Variants in ADAMTSL1 observed in about 807,000 individuals in gnomAD.
ADAMTSL1 encodes the protein ADAMTS like 1, also known as ADAMTS-like protein 1.
Under a neutral mutation model 201.8 loss-of-function variants are expected in ADAMTSL1, and 126 were observed. That is an observed-to-expected ratio of 0.62 (90% CI 0.54 to 0.72). The LOEUF is 0.72. Among genes scored for constraint, ADAMTSL1 ranks in the 30% least tolerant of loss-of-function variants. The pLI, the probability that ADAMTSL1 is intolerant of heterozygous loss-of-function variation, is 0.00. For missense variants in ADAMTSL1, 2,679 were observed against 2,277.8 expected (o/e 1.18, Z -3.59); for synonymous variants, 1,121 against 903.4 (o/e 1.24, Z -4.32).
rs540491876 is a variant in ADAMTSL1, at chr9:18,287,479, A to G, written c.207+123498A>G. On this transcript the variant is annotated intron_variant, in intron 2 of 29. Coordinates refer to the ADAMTSL1 transcript ENST00000680146. ...TACACATATATGTAAATGTATGTTC[A>G]GATATGTAATGCATGTATTTATATG... 3.3e-5 allele frequency among the ~76,000 whole-genome samples: 5 copies of G among 151,776 alleles called. No individual in the cohort carries two copies. The East Asian group carries it at 9.7e-4, about 29-fold the overall frequency.
chr9:18,100,235 C>G (rs1382146071), intron 1 of ADAMTSL1, among the ~76,000 whole-genome samples: 1 of 151,974 alleles, frequency 6.6e-6, no homozygotes, highest in Non-Finnish European at 1.5e-5. Flanking sequence ...TGGGAGTTGA[C>G]CGTATTATTT....
At chr9:18,583,629 T>C (rs998312409) in intron 4 of ADAMTSL1, among the ~76,000 whole-genome samples, 1 of 152,142 alleles carries the variant, frequency 6.6e-6, no homozygotes, top group Non-Finnish European at 1.5e-5. Context: ...TTGCACTGTG[T>C]GCCTGGATAA....
intron 1 of ADAMTSL1, among the ~76,000 whole-genome samples, chr9:17,948,071 A>G (rs914684037): frequency 5.3e-5 from 8 of 152,172 alleles, no homozygotes; most frequent in African/African-American, 1.7e-4. Context: ...CATGCTCATC[A>G]TCAATTTTCT....
chr9:17,939,314 C>T lies in ADAMTSL1; in HGVS notation c.87+32392C>T, dbSNP rs577111223. Among the ~76,000 whole-genome samples, 8 of 149,828 alleles carry T rather than the reference C, an allele frequency of 5.3e-5. No individual in the cohort carries two copies. The South Asian group carries it at 1.1e-3, about 20-fold the overall frequency. ...TTAGAAACTTTTTTTTTTTTTAACT[C>T]TCACAACCACCATCTAGTGTCCAGT... is the stretch of plus-strand genomic sequence containing the variant. On this transcript the variant is annotated intron_variant, in intron 1 of 29. Transcript: ENST00000680146.
chr9:18,123,749 C>G (rs1445613557), intron 1 of ADAMTSL1, among the ~76,000 whole-genome samples: 1 of 152,174 alleles, frequency 6.6e-6, no homozygotes, highest in Non-Finnish European at 1.5e-5. Flanking sequence ...GTCCCTGTAG[C>G]CATTAGCAGA....
intron 2 of ADAMTSL1, among the ~76,000 whole-genome samples, chr9:18,428,119 G>A (rs1220320371): frequency 6.6e-6 from 1 of 152,054 alleles, no homozygotes; most frequent in African/African-American, 2.4e-5. Flanking sequence ...AAGCAATTTT[G>A]GATCATTATA....
At chr9:18,051,061 G>A (rs1253309058) in intron 1 of ADAMTSL1, among the ~76,000 whole-genome samples, 1 of 152,172 alleles carries the variant, frequency 6.6e-6, no homozygotes, top group Admixed American at 6.5e-5. Flanking sequence ...CAGCACTTTG[G>A]GAGGCCAAGG....
chr9:18,089,920 G>T (rs1823934604), intron 1 of ADAMTSL1, among the ~76,000 whole-genome samples: 2 of 151,182 alleles, frequency 1.3e-5, no homozygotes, highest in Admixed American at 6.6e-5. Context: ...TAGAGCTCAG[G>T]TTAGGCTTTT....
intron 26 of ADAMTSL1, among the ~76,000 whole-genome samples, chr9:18,899,635 A>C (rs1454695429): frequency 4.6e-5 from 7 of 152,188 alleles, no homozygotes; most frequent in African/African-American, 1.7e-4. Flanking sequence ...AAATAAGATC[A>C]CATACCTACA....
intron 2 of ADAMTSL1, among the ~76,000 whole-genome samples, chr9:18,369,733 T>C (rs1374714804): frequency 6.6e-6 from 1 of 151,966 alleles, no homozygotes. Flanking sequence ...AATAGCAGAG[T>C]CATGGAATCA....
chr9:18,255,409 G>C (rs1001883202), intron 2 of ADAMTSL1, among the ~76,000 whole-genome samples: 1 of 152,088 alleles, frequency 6.6e-6, no homozygotes. Context: ...CTCTCAGCAG[G>C]TTTCACATGT....
At position 18,796,069 on chromosome 9, in the gene ADAMTSL1, A is replaced by G. The variant is rs1822400536; in HGVS notation, c.3805+545A>G. Among the ~76,000 whole-genome samples the G allele has an allele frequency of 2.6e-5, 4 of 152,200 alleles. No homozygotes were observed. The South Asian group carries it at 6.2e-4, about 24-fold the overall frequency. Reference sequence around the variant, plus strand: ...TCCCCTTTATCCATTGAGGTTAGACAATACATTCTGCACATGGTGACTTAA... The same window carrying G: ...TCCCCTTTATCCATTGAGGTTAGACGATACATTCTGCACATGGTGACTTAA... On this transcript the variant is annotated intron_variant, in intron 20 of 28. Transcript: ENST00000380548.
At position 18,205,927 on chromosome 9, in the gene ADAMTSL1, G is replaced by A. The variant is rs146362056; in HGVS notation, c.207+41946G>A. On this transcript the variant is annotated intron_variant, in intron 2 of 29. Coordinates refer to the ADAMTSL1 transcript ENST00000680146. ...AAATTAGCCAGGCATGATGGCATGC[G>A]CCTGTAATCCCAGCTACTTGGGAGG... 6.3e-3 allele frequency among the ~76,000 whole-genome samples: 956 copies of A among 151,740 alleles called. 15 individuals carry two copies. The highest frequency in any genetic ancestry group is 0.022 in the African/African-American group (916 of 41,366).
chr9:18,304,802 C>T (rs1833844714), intron 2 of ADAMTSL1, among the ~76,000 whole-genome samples: 1 of 152,080 alleles, frequency 6.6e-6, no homozygotes, highest in Non-Finnish European at 1.5e-5. Flanking sequence ...AAATGACTTT[C>T]TCATGGGTCT....
intron 2 of ADAMTSL1, among the ~76,000 whole-genome samples, chr9:18,525,007 G>C (rs1818945512): frequency 6.6e-6 from 1 of 152,236 alleles, no homozygotes; most frequent in African/African-American, 2.4e-5. Context: ...AATAGTTTCA[G>C]AAGGAATGGT....
At chr9:18,216,196 T>G (rs1006117667) in intron 2 of ADAMTSL1, among the ~76,000 whole-genome samples, 1 of 152,202 alleles carries the variant, frequency 6.6e-6, no homozygotes, top group African/African-American at 2.4e-5. Context: ...AGTGAAAAAT[T>G]TAGGTCCAAC....
intron 2 of ADAMTSL1, among the ~76,000 whole-genome samples, chr9:18,205,687 G>C (rs905669682): frequency 6.6e-6 from 1 of 151,942 alleles, no homozygotes; most frequent in African/African-American, 2.4e-5. Flanking sequence ...ATATTTCCTG[G>C]AGCAAGAAGA....
At chr9:18,898,601 A>G (rs951826747) in intron 26 of ADAMTSL1, among the ~76,000 whole-genome samples, 3 of 152,228 alleles carry the variant, frequency 2.0e-5, no homozygotes, top group African/African-American at 7.2e-5. Flanking sequence ...CCAGCACCAC[A>G]TCAAAAAGCT....
At chr9:18,564,691 T>C (rs1010415928) in intron 3 of ADAMTSL1, among the ~76,000 whole-genome samples, 22 of 152,202 alleles carry the variant, frequency 1.4e-4, no homozygotes, top group African/African-American at 5.3e-4. Context: ...AAAAGGATTA[T>C]GAATTACTCC....
Sources: allele counts gnomAD v4.1 joint callset (sites outside exome capture counted in the v4.1 genomes callset), GRCh38; gene constraint gnomAD v4.1.1; transcripts MANE v1.5; gene names NCBI Gene and HGNC (gene_info 2026-07-23, HGNC 2026-07-21).